The following GREB1 variants were observed in gnomAD, a reference collection of about 807,000 sequenced individuals.
The protein encoded by GREB1 is protein GREB1.
A neutral mutation model predicts 200.7 loss-of-function variants in GREB1; 106 were observed. The ratio of observed to expected loss-of-function variants is 0.53; its 90% CI spans 0.45 to 0.62. The LOEUF is 0.62. Among genes scored for constraint, GREB1 ranks in the 20% least tolerant of loss-of-function variants. The probability of loss-of-function intolerance (pLI) is 0.00; values close to 1 mark genes in which losing one functional copy is unlikely to be tolerated. For missense variants in GREB1, 2,243 were observed against 2,556.8 expected, an observed-to-expected ratio of 0.88 and a Z score of 2.65; for synonymous variants, 1,132 against 1,092.4, an observed-to-expected ratio of 1.04 and a Z score of -0.72.
intron 16 of GREB1, 146 bp from the exon 17 acceptor site, chr2:11,602,260 T>C (rs1202224582): frequency 3.0e-6 from 2 of 657,318 alleles, no homozygotes; most frequent in Non-Finnish European, 5.5e-6. Flanking sequence ...ATGGAAGAAG[T>C]TTATAAAATG....
intron 25 of GREB1, among the ~76,000 whole-genome samples, chr2:11,628,707 G>T (rs574193499): frequency 6.6e-6 from 1 of 152,216 alleles, no homozygotes; most frequent in Non-Finnish European, 1.5e-5. Context: ...GGACTGAAGG[G>T]TGTCAGTCCC....
chr2:11,483,334 G>GTA (rs1323234153), intron 1 of GREB1, among the ~76,000 whole-genome samples: 1 of 130,524 alleles, frequency 7.7e-6, no homozygotes, highest in Non-Finnish European at 1.7e-5. Context: ...GCGCGCGTGT[G>GTA]TGTGTGTGAG....
chr2:11,638,643 G>T, intron 31 of GREB1, 28 bp from the exon 32 acceptor site: 1 of 1,606,872 alleles, frequency 6.2e-7, no homozygotes, highest in Non-Finnish European at 8.5e-7. Flanking sequence ...AGAAAACGGT[G>T]CCCTCTCTTG....
At chr2:11,636,911 G>A (rs1179749964) in intron 30 of GREB1, among the ~76,000 whole-genome samples, 1 of 144,030 alleles carries the variant, frequency 6.9e-6, no homozygotes, top group African/African-American at 2.5e-5. Flanking sequence ...GACATAGGTA[G>A]AGGCAGGGGC....
chr2:11,530,912 G>T (rs1674050358), upstream of GREB1, among the ~76,000 whole-genome samples: 1 of 152,196 alleles, frequency 6.6e-6, no homozygotes, highest in African/African-American at 2.4e-5. Flanking sequence ...GGCCAGGAAG[G>T]GTGGGGAAGT....
At chr2:11,486,194 C>G (rs1187203415) in intron 1 of GREB1, among the ~76,000 whole-genome samples, 3 of 152,284 alleles carry the variant, frequency 2.0e-5, no homozygotes, top group South Asian at 4.1e-4. Flanking sequence ...ACCTGTAGTT[C>G]CTTCATAATG....
intron 27 of GREB1, 129 bp from the exon 28 acceptor site, chr2:11,632,760 A>G: frequency 2.9e-6 from 2 of 685,592 alleles, no homozygotes; most frequent in South Asian, 1.8e-5. Context: ...GTTTTGTGAC[A>G]GGTGATTCAT....
chr2:11,583,912 G>A (rs544003521), intron 7 of GREB1, among the ~76,000 whole-genome samples: 4 of 152,094 alleles, frequency 2.6e-5, no homozygotes, highest in South Asian at 2.1e-4. Context: ...TTTTACTGTC[G>A]TTTCCAGAGA....
intron 1 of GREB1, among the ~76,000 whole-genome samples, chr2:11,483,726 G>C (rs1672577252): frequency 6.8e-6 from 1 of 146,556 alleles, no homozygotes; most frequent in South Asian, 2.1e-4. Context: ...GTGTGTGTGT[G>C]TGTGTGTGGC....
rs1679587500 is a variant in GREB1 at position 11,582,423 on chromosome 2, C to G, written c.901+1591C>G. 2.0e-5 allele frequency among the ~76,000 whole-genome samples: 3 copies of G among 152,224 alleles called. No individual in the cohort carries two copies. In the South Asian group the frequency reaches 6.2e-4, roughly 31 times the overall value. On this transcript the variant is annotated intron_variant, in intron 7 of 32. Coordinates refer to ENST00000381486, the MANE Select transcript of GREB1 (RefSeq NM_014668.4). ...ACCCTGGGCAGTTGAGCTCCCCCAC[C>G]CCCATGGCCCCATCCTCCTGTCTCC...
intron 15 of GREB1, among the ~76,000 whole-genome samples, chr2:11,600,156 G>A (rs1485258696): frequency 2.0e-5 from 3 of 152,144 alleles, no homozygotes; most frequent in Non-Finnish European, 4.4e-5. Context: ...GGAACATTCC[G>A]AAATTATAGA....
At chr2:11,583,391 G>C (rs958403987) in intron 7 of GREB1, among the ~76,000 whole-genome samples, 3 of 152,246 alleles carry the variant, frequency 2.0e-5, no homozygotes, top group Non-Finnish European at 4.4e-5. Context: ...AGCTGCGTCA[G>C]TGGTTGTTGG....
intron 1 of GREB1, among the ~76,000 whole-genome samples, chr2:11,501,193 T>C (rs1278037607): frequency 1.3e-5 from 2 of 152,174 alleles, no homozygotes; most frequent in African/African-American, 4.8e-5. Flanking sequence ...GGACACTCTT[T>C]AATCAGCTGT....
In GREB1 at chr2:11,566,518, A is replaced by C; in HGVS notation, c.316A>C (p.Ile106Leu). ...QAGKDLRLVS[I>L]SNEPMDVPAG... The stretch of plus-strand genomic sequence containing the variant: ...CGGGAAGGACCTGCGCCTTGTCTCC[A>C]TTTCCAACGAGCCCATGGATGTCCC... The change falls in exon 4 of 33, where the codon ATT becomes CTT. Residue 106 changes from isoleucine (I) to leucine (L), a missense_variant. Ile to Leu is a conservative substitution (Grantham distance 5). Transcript: ENST00000381486. The C allele has an allele frequency of 6.2e-7, 1 of 1,613,356 alleles. No homozygotes were observed. The highest frequency in any genetic ancestry group is 1.1e-5 in the South Asian group (1 of 91,000).
At chr2:11,604,900 C>A (rs1042042710) in intron 17 of GREB1, among the ~76,000 whole-genome samples, 3 of 152,196 alleles carry the variant, frequency 2.0e-5, no homozygotes, top group Non-Finnish European at 2.9e-5. Context: ...CGCCAGCATA[C>A]GGCTGGGAAA....
chr2:11,547,604 TAC>T (rs1396019123), intron 1 of GREB1, among the ~76,000 whole-genome samples: 1 of 152,182 alleles, frequency 6.6e-6, no homozygotes, highest in Non-Finnish European at 1.5e-5. Context: ...ATTATAAATA[TAC>T]ACACAGTCTA....
At chr2:11,631,039 C>A (rs573859291) in intron 26 of GREB1, among the ~76,000 whole-genome samples, 1 of 152,194 alleles carries the variant, frequency 6.6e-6, no homozygotes, top group Non-Finnish European at 1.5e-5. Flanking sequence ...TCCTACCCCA[C>A]GGGCTGGGGT....
intron 17 of GREB1, among the ~76,000 whole-genome samples, chr2:11,609,342 T>C (rs1414643396): frequency 6.6e-6 from 1 of 151,830 alleles, no homozygotes; most frequent in Non-Finnish European, 1.5e-5. Flanking sequence ...GATCTTGGCT[T>C]GCCACAACCT....
Position 11,620,888 on chromosome 2 carries a change from C to G in GREB1, c.4045-17C>G. 1 of 1,527,574 alleles carries G rather than the reference C, an allele frequency of 6.5e-7. No homozygotes were observed. The highest frequency in any genetic ancestry group is 9.1e-7 in the Non-Finnish European group (1 of 1,101,302). The allele number at this position is 1,527,574 out of a possible 1,614,324, so 94.6% of individuals were successfully genotyped here. On this transcript the variant is annotated splice_polypyrimidine_tract_variant and intron_variant, in intron 22 of 32. Transcript: ENST00000381486. ...GGGGCTTCCTCACTGGGGGTTTTAA[C>G]TCCTATACCTTTACAGATCGGGAAG... is the stretch of plus-strand genomic sequence containing the variant.
Sources: allele counts gnomAD v4.1 joint callset (sites outside exome capture counted in the v4.1 genomes callset), GRCh38; gene constraint gnomAD v4.1.1; transcripts MANE v1.5; gene names NCBI Gene and HGNC (gene_info 2026-07-23, HGNC 2026-07-21).